Variants in CDH23 observed in about 807,000 individuals in gnomAD.
CDH23 encodes the protein cadherin-23.
In CDH23, 189 loss-of-function variants were observed where a neutral mutation model predicts 317.1. The observed-to-expected ratio is 0.60, with a 90% CI of 0.53 to 0.67. CDH23 has a LOEUF of 0.67. Ranked by LOEUF, CDH23 falls within the 30% of genes least tolerant of loss-of-function variation. CDH23 has a pLI of 0.00. For missense variants in CDH23, 4,401 were observed against 4,592.4 expected (o/e 0.96, Z 1.20); for synonymous variants, 1,839 against 1,876.8 (o/e 0.98, Z 0.52).
rs1850701279 is a variant in CDH23, at chr10:71,456,439, T to C, written c.145+10044T>C. ...AGACTGTGTCTTCTTGGGGGTCCTT[T>C]GGGCTGTAGCCACTCCCAAGCGGTC... On this transcript the variant is annotated intron_variant, in intron 3 of 69. Coordinates refer to ENST00000224721, the MANE Select transcript of CDH23 (RefSeq NM_022124.6). 4.2e-5 allele frequency among the ~76,000 whole-genome samples: 6 copies of C among 142,652 alleles called. No homozygotes were observed. The South Asian group carries it at 1.2e-3, about 30-fold the overall frequency. 93.6% of individuals were successfully genotyped at this position (142,652 alleles called of 152,430 possible). A position where few individuals can be genotyped will look rare whatever the true frequency, so the allele number is the denominator to read the frequency against.
intron 38 of CDH23, among the ~76,000 whole-genome samples, chr10:71,742,878 G>T (rs565046987): frequency 6.6e-6 from 1 of 152,362 alleles, no homozygotes; most frequent in African/African-American, 2.4e-5. Flanking sequence ...TAGCCGGGTG[G>T]TTCTTCTGGT....
chr10:71,673,127 C>T (rs567219489), intron 14 of CDH23, among the ~76,000 whole-genome samples: 2 of 152,194 alleles, frequency 1.3e-5, no homozygotes, highest in African/African-American at 4.8e-5. Context: ...TGCACCACCC[C>T]CTTCTTATTC....
At chr10:71,707,133 G>C (rs1274858113) in intron 26 of CDH23, 84 bp downstream of exon 26, 4 of 1,553,676 alleles carry the variant, frequency 2.6e-6, no homozygotes, top group Non-Finnish European at 3.5e-6. Flanking sequence ...AGACTAGGTG[G>C]GGGCAGGTGA....
chr10:71,788,638 G>A (rs991759385), intron 44 of CDH23, among the ~76,000 whole-genome samples: 3 of 151,888 alleles, frequency 2.0e-5, no homozygotes, highest in Non-Finnish European at 4.4e-5. Context: ...TGTGCTTTTA[G>A]TAGAGACGGG....
chr10:71,801,150 C>CTCTTTTTT (rs765969201), intron 53 of CDH23, among the ~76,000 whole-genome samples: 4 of 73,962 alleles, frequency 5.4e-5, no homozygotes, highest in African/African-American at 2.4e-4. Flanking sequence ...CTCTCTCTCT[C>CTCTTTTTT]TTTTTTTTTT....
At position 71,701,272 on chromosome 10, in the gene CDH23, A is replaced by G. The variant is rs538990112; in HGVS notation, c.2398-750A>G. Among the ~76,000 whole-genome samples the G allele has an allele frequency of 1.7e-3, 252 of 152,306 alleles. 1 individual carries two copies. Among genetic ancestry groups the G allele is most frequent in the Non-Finnish European group, 2.8e-3 (193 of 68,016 alleles). ...TTGGAGGACGAGGGAGCTTCCCCAC[A>G]GAGCGGGGGATCGGTGCACGCAGGG... On this transcript the variant is annotated intron_variant, in intron 22 of 69. Transcript: ENST00000224721.
intron 38 of CDH23, chr10:71,760,543 G>A (rs1300025490): frequency 2.4e-5 from 6 of 245,330 alleles, no homozygotes; most frequent in Admixed American, 5.2e-5. Flanking sequence ...GCCATAGGGG[G>A]CTGGTGGGCA....
intron 6 of CDH23, among the ~76,000 whole-genome samples, chr10:71,552,949 C>A (rs1406225960): frequency 6.6e-6 from 1 of 152,184 alleles, no homozygotes; most frequent in African/African-American, 2.4e-5. Flanking sequence ...GAACTCACTG[C>A]AGAAACCGTC....
intron 6 of CDH23, among the ~76,000 whole-genome samples, chr10:71,550,410 G>A (rs1242866929): frequency 6.6e-6 from 1 of 151,692 alleles, no homozygotes; most frequent in Admixed American, 6.6e-5. Context: ...AAACATAAGT[G>A]AGCTAGATGT....
chr10:71,761,878 C>T (rs761294670), intron 38 of CDH23: 2 of 1,614,136 alleles, frequency 1.2e-6, no homozygotes, highest in East Asian at 2.2e-5. Context: ...GCACCTCGCC[C>T]CTCGAGCTGC....
chr10:71,559,728 C>T (rs567990131), intron 6 of CDH23, among the ~76,000 whole-genome samples: 2 of 152,178 alleles, frequency 1.3e-5, no homozygotes, highest in Non-Finnish European at 2.9e-5. Context: ...TGACTTAGGG[C>T]CCAGGCCACA....
chr10:71,529,708 T>G (rs939220964), intron 6 of CDH23, among the ~76,000 whole-genome samples: 2 of 152,066 alleles, frequency 1.3e-5, no homozygotes, highest in African/African-American at 4.8e-5. Flanking sequence ...CACTCATACT[T>G]TAAGACTGTC....
In CDH23 at chr10:71,615,617, G is replaced by A. The variant is rs727502919; in HGVS notation, c.945+1G>A. ...CCATGGCTTCATCCTGACTGTGAAG[G>A]TGAGACCTGGGTGGGCACCTTCACC... On this transcript the variant is annotated splice_donor_variant, in intron 10 of 69. Transcript: ENST00000224721. LOFTEE classifies it high-confidence loss of function. 6.2e-7 allele frequency: 1 copy of A among 1,611,198 alleles called. No individual in the cohort carries two copies.
intron 6 of CDH23, among the ~76,000 whole-genome samples, chr10:71,543,521 T>G (rs1484228034): frequency 6.6e-6 from 1 of 152,220 alleles, no homozygotes; most frequent in Non-Finnish European, 1.5e-5. Context: ...TGATTTCCTG[T>G]TCACCCAGTT....
rs111033453 is a variant in CDH23 at position 71,732,270 on chromosome 10, G to A, written c.3999G>A (p.Val1333=). 2.7e-3 allele frequency: 4,301 copies of A among 1,613,534 alleles called. 12 individuals carry two copies. The highest frequency in any genetic ancestry group is 5.1e-3 in the Middle Eastern group (31 of 6,060). The part of the protein sequence containing the change: ...LENLALGTEI[V]RVQAYSIDNL... ...ATCTGGCACTGGGTACTGAGATTGTGCGGGTCCAGGCCTACTCCATCGACA... is the reference window on the plus strand; with the variant it reads ...ATCTGGCACTGGGTACTGAGATTGTACGGGTCCAGGCCTACTCCATCGACA... Residue 1333 remains valine (V), a synonymous_variant, in exon 32 of 70, where the codon GTG becomes GTA. Coordinates refer to ENST00000224721, the MANE Select transcript of CDH23 (RefSeq NM_022124.6).
intron 38 of CDH23, chr10:71,742,142 A>G (rs976720363): frequency 3.5e-6 from 2 of 576,386 alleles, no homozygotes; most frequent in Non-Finnish European, 3.1e-6. Context: ...TCCCGAGTCT[A>G]TAGCTACTCA....
At chr10:71,667,796 G>T (rs138885464) in intron 14 of CDH23, among the ~76,000 whole-genome samples, 3 of 152,116 alleles carry the variant, frequency 2.0e-5, no homozygotes. Flanking sequence ...TTGGAATAGC[G>T]GGTCCCCAGA....
At chr10:71,766,879 T>C (rs1840559214) in intron 38 of CDH23, among the ~76,000 whole-genome samples, 1 of 152,232 alleles carries the variant, frequency 6.6e-6, no homozygotes, top group Non-Finnish European at 1.5e-5. Flanking sequence ...TGCCTCATCC[T>C]TCAGCTATTT....
At chr10:71,764,266 G>A (rs928728540) in intron 38 of CDH23, among the ~76,000 whole-genome samples, 22 of 152,284 alleles carry the variant, frequency 1.4e-4, no homozygotes, top group African/African-American at 5.1e-4. Flanking sequence ...ATCTAACAAT[G>A]CCATAAGGTA....
Sources: gnomAD v4.1 joint callset for allele counts (sites outside exome capture counted in the v4.1 genomes callset) on GRCh38, gnomAD v4.1.1 for gene constraint, MANE v1.5 for transcripts, NCBI Gene and HGNC (gene_info 2026-07-23, HGNC 2026-07-21) for gene names.